PIEZO2: variants seen among roughly 807,000 people sequenced by gnomAD.
PIEZO2 encodes piezo type mechanosensitive ion channel component 2.
In PIEZO2, 172 loss-of-function variants were observed where a neutral mutation model predicts 337.3. The ratio of observed to expected loss-of-function variants is 0.51; its 90% CI spans 0.45 to 0.58. The LOEUF is 0.58. Ranked by LOEUF, PIEZO2 falls within the 20% of genes least tolerant of loss-of-function variation. The pLI is 0.00. For missense variants in PIEZO2, 3,028 were observed against 3,391.3 expected, an observed-to-expected ratio of 0.89 and a Z score of 2.66; for synonymous variants, 1,251 against 1,228.5, an observed-to-expected ratio of 1.02 and a Z score of -0.38.
In PIEZO2 at chr18:11,105,083, A is replaced by C. The variant is rs1429169823; in HGVS notation, c.65-38861T>G. On this transcript the variant is annotated intron_variant, in intron 1 of 55. Transcript: ENST00000674853. This position sits in a 1 kb window ranked among gnomAD's most constrained non-coding sequence, Gnocchi z 4.3. ...TTGGCAAAGAACAGCTTGACTAAGC[A>C]CGACACCACCACAGAAGAAAACATA... Among the ~76,000 whole-genome samples, 1 of 152,232 alleles carries C rather than the reference A, an allele frequency of 6.6e-6. No individual in the cohort carries two copies. Among genetic ancestry groups the C allele is most frequent in the African/African-American group, 2.4e-5 (1 of 41,460 alleles).
intron 4 of PIEZO2, among the ~76,000 whole-genome samples, chr18:10,906,790 A>AG (rs1225092897): frequency 2.0e-5 from 3 of 151,946 alleles, no homozygotes; most frequent in Non-Finnish European, 4.4e-5. Flanking sequence ...CGAACTCCTG[A>AG]GCTCAGTCAA....
chr18:10,891,640 C>A (rs1460929017), intron 4 of PIEZO2, among the ~76,000 whole-genome samples: 1 of 152,124 alleles, frequency 6.6e-6, no homozygotes, highest in Non-Finnish European at 1.5e-5. Context: ...TTTGCCATCA[C>A]AAAACTAGGC....
intron 1 of PIEZO2, among the ~76,000 whole-genome samples, chr18:11,095,763 T>C (rs1336573162): frequency 6.6e-6 from 1 of 152,140 alleles, no homozygotes; most frequent in Non-Finnish European, 1.5e-5. Context: ...CTTCAACCGA[T>C]TTGGAAGCTT....
chr18:10,701,053 G>C (rs8097146), intron 43 of PIEZO2, among the ~76,000 whole-genome samples: 34,559 of 152,140 alleles, frequency 0.23, 3,979 homozygotes, highest in South Asian at 0.28. Flanking sequence ...ATATCTATGT[G>C]TGCATGTATG....
intron 27 of PIEZO2, among the ~76,000 whole-genome samples, chr18:10,756,868 T>A (rs1294555935): frequency 2.9e-5 from 3 of 102,052 alleles, no homozygotes; most frequent in African/African-American, 1.4e-4. Flanking sequence ...GAATGAGGGA[T>A]GGAGATGAGG....
At chr18:10,920,444 T>C (rs1158354913) in intron 3 of PIEZO2, among the ~76,000 whole-genome samples, 2 of 152,192 alleles carry the variant, frequency 1.3e-5, no homozygotes, top group African/African-American at 4.8e-5. Context: ...AAATATGCAG[T>C]AATTATAAAA....
chr18:10,944,033 A>G (rs867105663), intron 3 of PIEZO2, among the ~76,000 whole-genome samples: 6 of 152,238 alleles, frequency 3.9e-5, no homozygotes, highest in African/African-American at 1.2e-4. Flanking sequence ...CGTAAATCCA[A>G]TAAACCTCTT....
At chr18:10,730,356 A>C (rs996927415) in intron 36 of PIEZO2, among the ~76,000 whole-genome samples, 1 of 152,236 alleles carries the variant, frequency 6.6e-6, no homozygotes, top group Non-Finnish European at 1.5e-5. Context: ...TTATAGTGAG[A>C]CTGAGCACCT....
intron 3 of PIEZO2, among the ~76,000 whole-genome samples, chr18:10,977,525 A>G (rs1258839662): frequency 6.6e-6 from 1 of 152,136 alleles, no homozygotes. Flanking sequence ...ATAAGATAAT[A>G]CTACTACTAA....
In PIEZO2 at chr18:10,671,690, T is replaced by G; in HGVS notation, c.8435A>C (p.Glu2812Ala). 6.2e-7 allele frequency: 1 copy of G among 1,614,038 alleles called. No individual in the cohort carries two copies. The highest frequency in any genetic ancestry group is 8.5e-7 in the Non-Finnish European group (1 of 1,179,990). The change falls in exon 56 of 56, where the codon GAA becomes GCA. Residue 2812 changes from glutamate (E) to alanine (A), a missense_variant. Coordinates refer to ENST00000674853, the MANE Select transcript of PIEZO2 (RefSeq NM_001378183.1). ...AATTCGATCCACATTTGGAAGCTCTTCAAACATGATGGAGTGAGAAATCCC... is the reference window on the plus strand; with the variant it reads ...AATTCGATCCACATTTGGAAGCTCTGCAAACATGATGGAGTGAGAAATCCC... ...FSGISHSIMF[E>A]ELPNVDRILK... is the part of the protein sequence containing the mutation.
chr18:10,864,118 G>T (rs2041946410), intron 5 of PIEZO2, among the ~76,000 whole-genome samples: 1 of 152,186 alleles, frequency 6.6e-6, no homozygotes, highest in African/African-American at 2.4e-5. Context: ...ATAATTACTT[G>T]TGATAGACTA....
rs1403595154 is a variant in PIEZO2 at position 10,846,054 on chromosome 18, CCACA to C, written c.917+9295_917+9298del. On this transcript the variant is annotated intron_variant, in intron 7 of 55. Transcript: ENST00000674853. This position sits in a 1 kb window ranked among gnomAD's most constrained non-coding sequence, Gnocchi z 4.1. ...ATGACCTTTCTGGAAAATAATTTCC[CCACA>C]CATCTTATAGCCAGTGGCCACATCT... Among the ~76,000 whole-genome samples, 1 of 152,136 alleles carries C rather than the reference CCACA, an allele frequency of 6.6e-6. No individual in the cohort carries two copies. Among genetic ancestry groups the C allele is most frequent in the Non-Finnish European group, 1.5e-5 (1 of 68,026 alleles).
chr18:11,114,492 G>A (rs538414757), intron 1 of PIEZO2, among the ~76,000 whole-genome samples: 3 of 152,172 alleles, frequency 2.0e-5, no homozygotes, highest in African/African-American at 7.2e-5. Context: ...ATGGCAAAAC[G>A]TCATCTCTAC....
chr18:10,729,610 C>A lies in PIEZO2; in HGVS notation c.5029+1797G>T, dbSNP rs565030579. Among the ~76,000 whole-genome samples, 4 of 120,744 alleles carry A rather than the reference C, an allele frequency of 3.3e-5. No homozygotes were observed. In the South Asian group the frequency reaches 1.1e-3, roughly 34 times the overall value. The allele number at this position is 120,744 out of a possible 152,430, so 79.2% of individuals were successfully genotyped here. On this transcript the variant is annotated intron_variant, in intron 36 of 55. Coordinates refer to ENST00000674853, the MANE Select transcript of PIEZO2 (RefSeq NM_001378183.1). ...CTGCACTCCAGCCTGTGTGACACAG[C>A]GAGACTCTGTCTCAAAAAAAAAAAA...
At position 10,840,276 on chromosome 18, in the gene PIEZO2, CAT is replaced by C. The variant is rs533481587; in HGVS notation, c.917+15075_917+15076del. 1.2e-3 allele frequency among the ~76,000 whole-genome samples: 178 copies of C among 152,194 alleles called. 4 individuals carry two copies. In the East Asian group the frequency reaches 0.024, roughly 20 times the overall value. ...AGAATTTTTAATTTATTTTTGATGT[CAT>C]AGAGATAAAATTAATACATAATTTA... is the stretch of plus-strand genomic sequence containing the variant. On this transcript the variant is annotated intron_variant, in intron 7 of 55. Coordinates refer to ENST00000674853, the MANE Select transcript of PIEZO2 (RefSeq NM_001378183.1).
intron 28 of PIEZO2, among the ~76,000 whole-genome samples, chr18:10,752,131 C>T (rs1456989582): frequency 2.0e-5 from 3 of 152,180 alleles, no homozygotes; most frequent in Non-Finnish European, 4.4e-5. Context: ...GTACATAAAA[C>T]ATTCTTGCCT....
Position 11,001,042 on chromosome 18 carries a change from G to A in PIEZO2, c.161-21382C>T, listed in dbSNP as rs1507053. ...TTCCTACAGTTAAAGGCAATTATTG[G>A]AAAGGAACTCAGCTGTTAGGAGTCA... On this transcript the variant is annotated intron_variant, in intron 2 of 55. Transcript: ENST00000674853. This position sits in a 1 kb window ranked among gnomAD's most constrained non-coding sequence, Gnocchi z 5.3. Among the ~76,000 whole-genome samples, 71,700 of 151,996 alleles carry A rather than the reference G, an allele frequency of 0.47. 17,014 individuals are homozygous for A. The highest frequency in any genetic ancestry group is 0.51 in the Non-Finnish European group (34,409 of 67,954).
At chr18:10,838,708 A>G (rs930609483) in intron 7 of PIEZO2, among the ~76,000 whole-genome samples, 5 of 152,146 alleles carry the variant, frequency 3.3e-5, no homozygotes, top group African/African-American at 9.7e-5. Context: ...GAATGTTTAT[A>G]TTCTATGAGT....
chr18:10,926,099 T>A (rs1192971495), intron 3 of PIEZO2, among the ~76,000 whole-genome samples: 1 of 152,174 alleles, frequency 6.6e-6, no homozygotes, highest in Non-Finnish European at 1.5e-5. Context: ...GAGCACTGGA[T>A]GGTGAGAAAG....
Sources: gnomAD v4.1 joint callset for allele counts (sites outside exome capture counted in the v4.1 genomes callset) on GRCh38, gnomAD v4.1.1 for gene constraint, Gnocchi (gnomAD v3.1) non-coding constraint, MANE v1.5 for transcripts, NCBI Gene and HGNC (gene_info 2026-07-23, HGNC 2026-07-21) for gene names.